The following DOCK8 variants were observed in gnomAD, a reference collection of about 807,000 sequenced individuals.
DOCK8 encodes the protein dedicator of cytokinesis 8, also known as dedicator of cytokinesis protein 8.
A neutral mutation model predicts 245.6 loss-of-function variants in DOCK8; 141 were observed. That is an observed-to-expected ratio of 0.57 (90% confidence interval 0.50 to 0.66). DOCK8 has a LOEUF of 0.66. DOCK8 is among the 30% of genes least tolerant of loss of function. DOCK8 has a pLI of 0.00. For synonymous variants in DOCK8, 1,168 were observed against 970.2 expected (o/e 1.20, Z -3.79); for missense variants, 2,965 against 2,603.4 (o/e 1.14, Z -3.02).
At chr9:274,140 T>C (rs761452629) in intron 2 of DOCK8, among the ~76,000 whole-genome samples, 2 of 152,242 alleles carry the variant, frequency 1.3e-5, no homozygotes, top group African/African-American at 2.4e-5. Flanking sequence ...TCAGTAAGTT[T>C]TGATGAAAGT....
chr9:227,308 T>C (rs1217276138), intron 1 of DOCK8, among the ~76,000 whole-genome samples: 1 of 152,230 alleles, frequency 6.6e-6, no homozygotes, highest in Admixed American at 6.5e-5. Context: ...ACTTCCCTCG[T>C]AGAGGTTTTG....
chr9:255,844 G>A (rs1167821402), intron 1 of DOCK8, among the ~76,000 whole-genome samples: 1 of 151,868 alleles, frequency 6.6e-6, no homozygotes, highest in East Asian at 1.9e-4. Flanking sequence ...ATTGCACATA[G>A]AGAAAAATAC....
At chr9:270,729 T>C (rs1177523069) in intron 1 of DOCK8, among the ~76,000 whole-genome samples, 1 of 152,256 alleles carries the variant, frequency 6.6e-6, no homozygotes, top group Non-Finnish European at 1.5e-5. Flanking sequence ...TTAAAATATG[T>C]GACCTCATTT....
At chr9:272,425 C>G (rs1337422572) in intron 2 of DOCK8, among the ~76,000 whole-genome samples, 1 of 152,166 alleles carries the variant, frequency 6.6e-6, no homozygotes, top group African/African-American at 2.4e-5. Context: ...GTCTGTCACC[C>G]AGCCTGGAGT....
rs150272430 is a variant in DOCK8, at chr9:278,093, C to T, written c.156+6364C>T. The stretch of plus-strand genomic sequence containing the variant: ...AAAATGAAGATCTCAAGATAATTTT[C>T]TTGCAAATTCACAATGGAAGATAAA... On this transcript the variant is annotated intron_variant, in intron 2 of 47. Coordinates refer to ENST00000432829, the MANE Select transcript of DOCK8 (RefSeq NM_203447.4). Among the ~76,000 whole-genome samples the T allele has an allele frequency of 3.3e-5, 5 of 152,344 alleles. No individual in the cohort carries two copies. The East Asian group carries it at 9.6e-4, about 29-fold the overall frequency.
At chr9:231,704 G>C (rs1250231839) in intron 1 of DOCK8, among the ~76,000 whole-genome samples, 1 of 152,092 alleles carries the variant, frequency 6.6e-6, no homozygotes, top group African/African-American at 2.4e-5. Context: ...CTGTTTGTCT[G>C]TTATTGGTGT....
At chr9:349,241 G>A (rs540252122) in intron 14 of DOCK8, among the ~76,000 whole-genome samples, 1 of 152,222 alleles carries the variant, frequency 6.6e-6, no homozygotes. Flanking sequence ...CAGATGTCAT[G>A]TGTCTTTTAT....
intron 26 of DOCK8, among the ~76,000 whole-genome samples, chr9:403,882 C>CTA: frequency 2.2e-5 from 2 of 89,698 alleles, no homozygotes; most frequent in African/African-American, 6.7e-5. Flanking sequence ...CTCTCTCTCT[C>CTA]TCTCTCTCTC....
chr9:336,855 A>G (rs1045668281), intron 12 of DOCK8, 137 bp downstream of exon 12: 26 of 1,064,006 alleles, frequency 2.4e-5, no homozygotes, highest in Non-Finnish European at 3.4e-5. Flanking sequence ...TCTGCTGCTT[A>G]TAATAGAGTA....
At chr9:436,513 C>T (rs778924352) in intron 39 of DOCK8, among the ~76,000 whole-genome samples, 1 of 152,122 alleles carries the variant, frequency 6.6e-6, no homozygotes, top group African/African-American at 2.4e-5. Flanking sequence ...TTTTATACTT[C>T]TTTTATTCCT....
At chr9:225,155 C>G (rs2046964315) in intron 1 of DOCK8, among the ~76,000 whole-genome samples, 1 of 140,548 alleles carries the variant, frequency 7.1e-6, no homozygotes, top group African/African-American at 2.6e-5. Context: ...AGCCTATGCC[C>G]TCAGAATCCA....
At chr9:422,466 A>G (rs991043570) in intron 33 of DOCK8, among the ~76,000 whole-genome samples, 2 of 152,228 alleles carry the variant, frequency 1.3e-5, no homozygotes, top group Non-Finnish European at 2.9e-5. Context: ...AGGACCGTAT[A>G]CTTTCAAATC....
chr9:385,912 T>G (rs982095124), intron 22 of DOCK8, among the ~76,000 whole-genome samples: 1 of 152,212 alleles, frequency 6.6e-6, no homozygotes, highest in African/African-American at 2.4e-5. Flanking sequence ...TGATAGAGCA[T>G]GAGCACTCCA....
intron 2 of DOCK8, among the ~76,000 whole-genome samples, chr9:282,602 A>C (rs1336283535): frequency 1.3e-5 from 2 of 151,444 alleles, no homozygotes; most frequent in Non-Finnish European, 2.9e-5. Flanking sequence ...AAAAAAAAAA[A>C]TTGTAAAGAC....
At chr9:342,722 C>A (rs982300157) in intron 14 of DOCK8, among the ~76,000 whole-genome samples, 2 of 152,136 alleles carry the variant, frequency 1.3e-5, no homozygotes, top group Non-Finnish European at 2.9e-5. Flanking sequence ...CCTGCCTCGG[C>A]CTCCCAAAGT....
chr9:367,872 A>G, intron 14 of DOCK8, 146 bp from the exon 15 acceptor site: 1 of 680,626 alleles, frequency 1.5e-6, no homozygotes, highest in Non-Finnish European at 2.6e-6. Flanking sequence ...CAAGTAATTC[A>G]CTCCCCCCAA....
intron 46 of DOCK8, 122 bp downstream of exon 46, chr9:452,239 G>T (rs2057491867): frequency 7.4e-6 from 5 of 676,378 alleles, no homozygotes; most frequent in Non-Finnish European, 7.9e-6. Context: ...GCACCCTCCA[G>T]ACCTGCTGAA....
At chr9:312,649 C>CAT (rs1463443295) in intron 6 of DOCK8, 1 of 357,208 alleles carries the variant, frequency 2.8e-6, no homozygotes, top group Non-Finnish European at 5.4e-6. Context: ...AATCACAGCC[C>CAT]ATGCTCCCAA....
chr9:302,691 T>C (rs932465016), intron 4 of DOCK8, among the ~76,000 whole-genome samples: 4 of 152,064 alleles, frequency 2.6e-5, no homozygotes, highest in African/African-American at 7.2e-5. Flanking sequence ...GCAAAGGACA[T>C]GAACAGATAC....
Sources: allele counts gnomAD v4.1 joint callset (sites outside exome capture counted in the v4.1 genomes callset), GRCh38; gene constraint gnomAD v4.1.1; transcripts MANE v1.5; gene names NCBI Gene and HGNC (gene_info 2026-07-23, HGNC 2026-07-21).